Variants in DPH5 observed in about 807,000 individuals in gnomAD.
The protein encoded by DPH5 is diphthine methyl ester synthase.
A neutral mutation model predicts 31.6 loss-of-function variants in DPH5; 31 were observed. The ratio of observed to expected loss-of-function variants is 0.98; its 90% confidence interval spans 0.74 to 1.32. The LOEUF (loss-of-function observed/expected upper bound fraction) is 1.32, where lower values mean the gene tolerates loss of function less well. DPH5 is among the 40% of genes most tolerant of loss of function. The probability of loss-of-function intolerance (pLI) is 0.00; values close to 1 mark genes in which losing one functional copy is unlikely to be tolerated. For missense variants in DPH5, 309 were observed against 335.7 expected (o/e 0.92, Z 0.62); for synonymous variants, 120 against 115.0 (o/e 1.04, Z -0.28).
At chr1:101,002,730 T>G (rs1278814328) in intron 4 of DPH5, among the ~76,000 whole-genome samples, 1 of 152,166 alleles carries the variant, frequency 6.6e-6, no homozygotes, top group East Asian at 1.9e-4. Context: ...CCTTGGGTTC[T>G]TCAATTAAAA....
rs115964981 is a variant in DPH5 at position 101,003,568 on chromosome 1, T to C, written c.370-1981A>G. 6.3e-3 allele frequency among the ~76,000 whole-genome samples: 965 copies of C among 152,286 alleles called. 16 individuals carry two copies. Among genetic ancestry groups the C allele is most frequent in the African/African-American group, 0.02 (837 of 41,562 alleles). On this transcript the variant is annotated intron_variant, in intron 4 of 7. Transcript: ENST00000370109. ...GAGGAACCCTTCTACAAAATGGGTA[T>C]AATAACTGTAAACATAAAAATGTGG...
intron 4 of DPH5, among the ~76,000 whole-genome samples, chr1:101,005,537 G>A (rs1216902670): frequency 6.6e-6 from 1 of 152,188 alleles, no homozygotes; most frequent in African/African-American, 2.4e-5. Context: ...GGTACATAAA[G>A]TTGAATGACT....
intron 3 of DPH5, among the ~76,000 whole-genome samples, chr1:101,019,831 G>GAA (rs538108849): frequency 2.1e-5 from 3 of 145,362 alleles, no homozygotes; most frequent in South Asian, 2.2e-4. Context: ...GTCTAAAATG[G>GAA]AAAAAAAAAA....
chr1:100,992,646 C>T lies in DPH5; in HGVS notation c.625G>A (p.Glu209Lys), dbSNP rs1385993778. The T allele has an allele frequency of 6.2e-7, 1 of 1,613,570 alleles. No individual in the cohort carries two copies. The highest frequency in any genetic ancestry group is 8.5e-7 in the Non-Finnish European group (1 of 1,179,642). ...CTAGTGTCTTGAGTACCTGGTTCTT[C>T]TCCTCGTATTCTTTGATTTTGAACA... ...EIVQNQRIRG[E>K]EPAVTEETLC... Residue 209 changes from glutamate (E) to lysine (K), a missense_variant, in exon 7 of 8, where the codon GAA becomes AAA. By Grantham distance (56) the Glu-to-Lys change is moderately conservative. Coordinates refer to ENST00000370109, the MANE Select transcript of DPH5 (RefSeq NM_015958.3).
At chr1:101,000,564 G>A (rs1345399564) in intron 5 of DPH5, among the ~76,000 whole-genome samples, 1 of 152,108 alleles carries the variant, frequency 6.6e-6, no homozygotes, top group East Asian at 1.9e-4. Flanking sequence ...TAAATATGAA[G>A]GCTAAGGAAT....
chr1:101,001,335 G>T (rs996440856), intron 5 of DPH5, 132 bp downstream of exon 5: 1 of 783,598 alleles, frequency 1.3e-6, no homozygotes, highest in Non-Finnish European at 2.0e-6. Context: ...AAAGAGTGTG[G>T]TCTGCATAGA....
rs760974191 is a variant in DPH5, at chr1:101,025,354, A to G, written c.90T>C (p.Tyr30=). 6.2e-7 allele frequency: 1 copy of G among 1,614,200 alleles called. No homozygotes were observed. Among genetic ancestry groups the G allele is most frequent in the Admixed American group, 1.7e-5 (1 of 60,026 alleles). Residue 30 remains tyrosine, a synonymous_variant, in exon 2 of 8, where the codon TAT becomes TAC. Transcript: ENST00000370109. ...TTAGGACTGAGGTGTAGGCTTCCAG[A>G]TACACTCGACTGCAGCGTCTAACAA... is the stretch of plus-strand genomic sequence containing the variant. The part of the protein sequence containing the change: ...LEVVRRCSRV[Y]LEAYTSVLTV...
intron 3 of DPH5, 33 bp from the exon 4 acceptor site, chr1:101,013,851 C>T (rs1276777318): frequency 6.6e-7 from 1 of 1,519,870 alleles, no homozygotes; most frequent in African/African-American, 1.4e-5. Flanking sequence ...TGGATTAAAG[C>T]AAACAACACT....
At chr1:101,013,652 G>A (rs1659855561) in intron 4 of DPH5, 58 bp downstream of exon 4, 2 of 1,150,072 alleles carry the variant, frequency 1.7e-6, no homozygotes, top group Non-Finnish European at 2.5e-6. Flanking sequence ...TTTTCAATTT[G>A]TGGAAAAATA....
chr1:101,009,392 C>G (rs921010330), intron 4 of DPH5, among the ~76,000 whole-genome samples: 1 of 152,164 alleles, frequency 6.6e-6, no homozygotes, highest in Non-Finnish European at 1.5e-5. Context: ...GGGTACAAAC[C>G]ATAATAACTG....
chr1:101,000,605 A>G (rs923457266), intron 5 of DPH5, among the ~76,000 whole-genome samples: 1 of 152,250 alleles, frequency 6.6e-6, no homozygotes, highest in African/African-American at 2.4e-5. Context: ...AGTAAGTAGT[A>G]GCACTGGGAT....
intron 5 of DPH5, among the ~76,000 whole-genome samples, chr1:100,999,790 G>A (rs1452263990): frequency 6.6e-6 from 1 of 151,780 alleles, no homozygotes; most frequent in Non-Finnish European, 1.5e-5. Context: ...AGTGAGCCAA[G>A]ATCACGCCAC....
At position 101,025,354 on chromosome 1, in the gene DPH5, A is replaced by C. The variant is rs760974191; in HGVS notation, c.90T>G (p.Tyr30Ter). Residue 30 changes from tyrosine to a stop codon, truncating the protein, a stop_gained, in exon 2 of 8, where the codon TAT becomes TAG. Coordinates refer to ENST00000370109, the MANE Select transcript of DPH5 (RefSeq NM_015958.3). LOFTEE classifies it high-confidence loss of function. ...TTAGGACTGAGGTGTAGGCTTCCAG[A>C]TACACTCGACTGCAGCGTCTAACAA... ...LEVVRRCSRVYLEAYTSVLTV... is the reference protein window; with the variant it reads ...LEVVRRCSRV The C allele has an allele frequency of 6.2e-7, 1 of 1,614,082 alleles. No homozygotes were observed. Among genetic ancestry groups the C allele is most frequent in the East Asian group, 2.2e-5 (1 of 44,884 alleles).
Position 101,021,557 on chromosome 1 carries a change from A to G in DPH5, c.260+84T>C, listed in dbSNP as rs1660444365. 7.1e-6 allele frequency: 10 copies of G among 1,405,256 alleles called. No homozygotes were observed. The East Asian group carries it at 2.4e-4, about 33-fold the overall frequency. The allele number at this position is 1,405,256 out of a possible 1,614,324, so 87.0% of individuals were successfully genotyped here. The stretch of plus-strand genomic sequence containing the variant: ...GTTCCTTATCAGGACCTGGCAGGTA[A>G]AAGTGTTAAATGCAATAGAATAATT... On this transcript the variant is annotated intron_variant, in intron 3 of 7. Coordinates refer to ENST00000370109, the MANE Select transcript of DPH5 (RefSeq NM_015958.3).
chr1:100,999,669 T>C (rs1658692524), intron 5 of DPH5, among the ~76,000 whole-genome samples: 1 of 151,800 alleles, frequency 6.6e-6, no homozygotes, highest in African/African-American at 2.4e-5. Context: ...CGAAACCCCA[T>C]CTTTACTAAA....
At chr1:100,995,828 A>G (rs1206970345) in intron 5 of DPH5, 3 of 152,370 alleles carry the variant, frequency 2.0e-5, no homozygotes, top group African/African-American at 7.2e-5. Flanking sequence ...GAATCACTCT[A>G]CATCCTCAAA....
chr1:100,992,189 A>G (rs529849536), intron 7 of DPH5, among the ~76,000 whole-genome samples: 18 of 152,316 alleles, frequency 1.2e-4, no homozygotes, highest in African/African-American at 4.1e-4. Flanking sequence ...TAGGAATATA[A>G]GAACAAATTT....
At chr1:101,002,230 C>G (rs921132381) in intron 4 of DPH5, among the ~76,000 whole-genome samples, 2 of 152,174 alleles carry the variant, frequency 1.3e-5, no homozygotes, top group African/African-American at 4.8e-5. Context: ...ACAAGTGGCC[C>G]ACCCAGGTTC....
intron 3 of DPH5, among the ~76,000 whole-genome samples, chr1:101,015,696 G>T (rs774141080): frequency 6.6e-6 from 1 of 152,180 alleles, no homozygotes; most frequent in African/African-American, 2.4e-5. Context: ...CCAATAGAAG[G>T]CTGTTTCATC....
Sources: gnomAD v4.1 joint callset for allele counts (sites outside exome capture counted in the v4.1 genomes callset) on GRCh38, gnomAD v4.1.1 for gene constraint, MANE v1.5 for transcripts, NCBI Gene and HGNC (gene_info 2026-07-23, HGNC 2026-07-21) for gene names.